ADCY3: variants seen among roughly 807,000 people sequenced by gnomAD.
ADCY3 encodes the protein adenylate cyclase type 3.
In ADCY3, 70 loss-of-function variants were observed where a neutral mutation model predicts 119.4. The ratio of observed to expected loss-of-function variants is 0.59; its 90% confidence interval spans 0.48 to 0.72. The LOEUF is 0.72. ADCY3 is among the 30% of genes least tolerant of loss of function. The pLI is 0.00. For missense variants in ADCY3, 1,238 were observed against 1,541.6 expected (o/e 0.80, Z 3.30); for synonymous variants, 672 against 621.4 (o/e 1.08, Z -1.21).
chr2:24,918,171 G>A lies in ADCY3; in HGVS notation c.675+142C>T. 1.1e-6 allele frequency: 1 copy of A among 904,154 alleles called. No individual in the cohort carries two copies. The highest frequency in any genetic ancestry group is 1.7e-5 in the South Asian group (1 of 58,542). 56.0% of individuals were successfully genotyped at this position (904,154 alleles called of 1,614,324 possible). On this transcript the variant is annotated intron_variant, in intron 2 of 21. Coordinates refer to ENST00000679454, the MANE Select transcript of ADCY3 (RefSeq NM_004036.5). This position sits in a 1 kb window ranked among gnomAD's most constrained non-coding sequence, Gnocchi z 5.4. ...AATGGCACAGGGGTGAAAAGGCAGG[G>A]ACTAGGGAGAGAGGTGAGAGCCCCG...
intron 2 of ADCY3, among the ~76,000 whole-genome samples, chr2:24,874,499 AC>A (rs1675408726): frequency 6.6e-6 from 1 of 152,172 alleles, no homozygotes; most frequent in African/African-American, 2.4e-5. Context: ...GGCCTCTGTG[AC>A]TTGGGGGAGG....
Position 24,872,777 on chromosome 2 carries a change from G to C in ADCY3, c.676-58C>G. The stretch of plus-strand genomic sequence containing the variant: ...GGGGTGAAGGCACGTCTTCAGAAAA[G>C]GGGATGGAGAAGGGGATGGAGGAGG... On this transcript the variant is annotated intron_variant, in intron 2 of 21. Transcript: ENST00000679454. This position sits in a 1 kb window ranked among gnomAD's most constrained non-coding sequence, Gnocchi z 4.4. The C allele has an allele frequency of 1.3e-6, 2 of 1,586,202 alleles. No individual in the cohort carries two copies. Among genetic ancestry groups the C allele is most frequent in the South Asian group, 1.1e-5 (1 of 88,234 alleles).
intron 3 of ADCY3, among the ~76,000 whole-genome samples, chr2:24,867,310 A>G (rs1185119676): frequency 6.6e-6 from 1 of 152,258 alleles, no homozygotes; most frequent in East Asian, 1.9e-4. Flanking sequence ...ATTATCTGCA[A>G]AAAGTCTTGG....
Position 24,918,598 on chromosome 2 carries a change from G to C in ADCY3, c.390C>G (p.Leu130=). 1.9e-6 allele frequency: 3 copies of C among 1,614,124 alleles called. No homozygotes were observed. Among genetic ancestry groups the C allele is most frequent in the Non-Finnish European group, 2.5e-6 (3 of 1,180,030 alleles). The change falls in exon 2 of 22, where the codon CTC becomes CTG. Residue 130 remains leucine, a synonymous_variant. Transcript: ENST00000679454. The surrounding 1 kb of genome is among the most constrained non-coding windows in gnomAD (Gnocchi z 5.4). ...GCACTCTGCGGGTGACCCGGTCCGG[G>C]AGCAGCCCCTTTTTGCAGAGCACGA... The part of the protein sequence containing the change: ...ILFVLCKKGL[L]PDRVTRRVLP...
intron 11 of ADCY3, among the ~76,000 whole-genome samples, chr2:24,833,133 C>T (rs897148058): frequency 4.6e-5 from 7 of 152,230 alleles, no homozygotes; most frequent in Admixed American, 1.3e-4. Context: ...GCTCACTAAG[C>T]GCTGTTCTCA....
In ADCY3 at chr2:24,842,169, G is replaced by A; in HGVS notation, c.956+85C>T. On this transcript the variant is annotated intron_variant, in intron 4 of 21. Transcript: ENST00000679454. This position sits in a 1 kb window ranked among gnomAD's most constrained non-coding sequence, Gnocchi z 4.9. ...TCTAGTCCCTGGAAAACCTCTTGAAGCCCACAGCACCTAGCGGGTCCCACA... is the reference window on the plus strand; with the variant it reads ...TCTAGTCCCTGGAAAACCTCTTGAAACCCACAGCACCTAGCGGGTCCCACA... 2.5e-6 allele frequency: 4 copies of A among 1,581,044 alleles called. No homozygotes were observed. Among genetic ancestry groups the A allele is most frequent in the East Asian group, 2.2e-5 (1 of 44,514 alleles).
chr2:24,827,582 A>G lies in ADCY3; in HGVS notation c.2459T>C (p.Met820Thr). 1 of 1,589,212 alleles carries G rather than the reference A, an allele frequency of 6.3e-7. No individual in the cohort carries two copies. Among genetic ancestry groups the G allele is most frequent in the East Asian group, 2.3e-5 (1 of 44,224 alleles). The change falls in exon 15 of 22, where the codon ATG (methionine) becomes ACG (threonine). Residue 820 changes from methionine to threonine, a missense_variant. By Grantham distance (81) the Met-to-Thr change is moderately conservative. This residue lies in a region of ADCY3 where 499 missense variants were observed against 571.0 expected (regional missense o/e 0.87). Coordinates refer to ENST00000679454, the MANE Select transcript of ADCY3 (RefSeq NM_004036.5). ...HDLPMVALEQMQGFNPGLNGT... is the reference protein window; with the variant it reads ...HDLPMVALEQTQGFNPGLNGT... The stretch of plus-strand genomic sequence containing the variant: ...ATTGAGCCCAGGGTTGAATCCTTGC[A>G]TCTGCTCTAAGGCCACCATAGGTAA...
At chr2:24,833,195 C>T (rs531188557) in intron 11 of ADCY3, among the ~76,000 whole-genome samples, 2 of 152,344 alleles carry the variant, frequency 1.3e-5, no homozygotes, top group East Asian at 3.9e-4. Context: ...TCCTCTGCTC[C>T]CTTGTTCTGG....
chr2:24,863,096 A>G (rs1354238289), intron 3 of ADCY3, among the ~76,000 whole-genome samples: 2 of 152,230 alleles, frequency 1.3e-5, no homozygotes, highest in African/African-American at 4.8e-5. Context: ...AAAGGCTTGA[A>G]GGAATATGCC....
intron 9 of ADCY3, among the ~76,000 whole-genome samples, chr2:24,835,422 T>C (rs1670168194): frequency 6.6e-6 from 1 of 152,092 alleles, no homozygotes; most frequent in African/African-American, 2.4e-5. Flanking sequence ...GGGAAAGTGA[T>C]GGGAGAGAGA....
chr2:24,881,720 G>A (rs1676423457), intron 2 of ADCY3, among the ~76,000 whole-genome samples: 1 of 152,250 alleles, frequency 6.6e-6, no homozygotes, highest in Admixed American at 6.5e-5. Flanking sequence ...CCACTGAAGT[G>A]TTCCCCCTTG....
At chr2:24,901,120 C>CA (rs34158764) in intron 2 of ADCY3, among the ~76,000 whole-genome samples, 139 of 152,276 alleles carry the variant, frequency 9.1e-4, no homozygotes, top group African/African-American at 3.2e-3. Context: ...GGGAGCAGGT[C>CA]AGAGCCGAGC....
intron 2 of ADCY3, among the ~76,000 whole-genome samples, chr2:24,887,714 C>A (rs1677219654): frequency 1.3e-5 from 2 of 152,168 alleles, no homozygotes; most frequent in Admixed American, 6.5e-5. Flanking sequence ...CAAACTCAGG[C>A]TGGAGTGGAA....
intron 3 of ADCY3, among the ~76,000 whole-genome samples, chr2:24,847,531 G>T (rs1215723188): frequency 2.0e-5 from 3 of 152,214 alleles, no homozygotes; most frequent in Non-Finnish European, 2.9e-5. Flanking sequence ...AGCCTGGGAA[G>T]TGGCATCCAG....
intron 3 of ADCY3, among the ~76,000 whole-genome samples, chr2:24,864,121 T>C (rs1674008392): frequency 6.6e-6 from 1 of 152,120 alleles, no homozygotes; most frequent in African/African-American, 2.4e-5. Flanking sequence ...ACCCCGTCTC[T>C]ACTAAAAATA....
intron 16 of ADCY3, among the ~76,000 whole-genome samples, chr2:24,825,131 A>C (rs1668394739): frequency 1.3e-5 from 2 of 152,142 alleles, no homozygotes; most frequent in Admixed American, 6.5e-5. Flanking sequence ...AGGTGGCAGC[A>C]GTGGGGATCT....
chr2:24,859,950 C>T (rs560778818), intron 3 of ADCY3, among the ~76,000 whole-genome samples: 3 of 152,326 alleles, frequency 2.0e-5, no homozygotes, highest in East Asian at 3.9e-4. Context: ...CGTGCCCTGG[C>T]TGCAGCATCC....
intron 3 of ADCY3, among the ~76,000 whole-genome samples, chr2:24,856,716 C>T (rs1441976684): frequency 6.6e-6 from 1 of 152,178 alleles, no homozygotes; most frequent in Non-Finnish European, 1.5e-5. Context: ...AGATGTGTTC[C>T]CCACCTCAGT....
intron 8 of ADCY3, 53 bp from the exon 9 acceptor site, chr2:24,837,098 G>A: frequency 1.3e-6 from 2 of 1,595,366 alleles, no homozygotes; most frequent in Non-Finnish European, 1.7e-6. Context: ...AGAGTGGCGT[G>A]GACAGGTCTG....
Sources: allele counts gnomAD v4.1 joint callset (sites outside exome capture counted in the v4.1 genomes callset), GRCh38; gene constraint gnomAD v4.1.1; regional missense constraint gnomAD v4.1.1; non-coding constraint Gnocchi (gnomAD v3.1); transcripts MANE v1.5; gene names NCBI Gene and HGNC (gene_info 2026-07-23, HGNC 2026-07-21).